TMEM178B: variants seen among roughly 807,000 people sequenced by gnomAD.
TMEM178B encodes the protein transmembrane protein 178B.
In TMEM178B, 5 loss-of-function variants were observed where a neutral mutation model predicts 31.0. That is an observed-to-expected ratio of 0.16 (90% confidence interval 0.08 to 0.34). TMEM178B has a LOEUF of 0.34. TMEM178B is among the 10% of genes least tolerant of loss of function. TMEM178B has a pLI of 1.00. For missense variants in TMEM178B, 275 were observed against 400.3 expected (o/e 0.69, Z 2.67); for synonymous variants, 164 against 164.0 (o/e 1.00, Z 0.00).
chr7:141,179,476 T>C (rs1469884736), intron 1 of TMEM178B, among the ~76,000 whole-genome samples: 1 of 151,788 alleles, frequency 6.6e-6, no homozygotes, highest in African/African-American at 2.4e-5. Context: ...GGATGCAATG[T>C]GCTGCTACTG....
intron 2 of TMEM178B, chr7:141,352,120 A>G (rs1586908255): frequency 6.6e-6 from 1 of 152,652 alleles, no homozygotes; most frequent in East Asian, 1.9e-4. Flanking sequence ...AAGGGGCAGC[A>G]TGTGAAGAAG....
At chr7:141,454,872 G>A (rs998504577) in intron 3 of TMEM178B, among the ~76,000 whole-genome samples, 3 of 152,000 alleles carry the variant, frequency 2.0e-5, no homozygotes, top group Admixed American at 6.6e-5. Flanking sequence ...AGAAGGGTGC[G>A]GAAGATGAGT....
At chr7:141,214,052 C>T (rs1797092295) in intron 2 of TMEM178B, among the ~76,000 whole-genome samples, 2 of 152,156 alleles carry the variant, frequency 1.3e-5, no homozygotes, top group South Asian at 4.1e-4. Context: ...GTTATATTTG[C>T]CTTAGAGACA....
chr7:141,139,054 TA>T (rs1396181144), intron 1 of TMEM178B, among the ~76,000 whole-genome samples: 1 of 152,130 alleles, frequency 6.6e-6, no homozygotes, highest in Non-Finnish European at 1.5e-5. Flanking sequence ...AAAAATGACT[TA>T]CATGTTTTCA....
chr7:141,263,174 C>T (rs1798041397), intron 2 of TMEM178B, among the ~76,000 whole-genome samples: 1 of 152,168 alleles, frequency 6.6e-6, no homozygotes. Flanking sequence ...GACATCCTTA[C>T]AGGGGTGTGA....
At chr7:141,275,043 C>T (rs368593432) in intron 2 of TMEM178B, among the ~76,000 whole-genome samples, 6 of 152,198 alleles carry the variant, frequency 3.9e-5, no homozygotes, top group African/African-American at 1.4e-4. Flanking sequence ...GATAAAAATA[C>T]TATCAGAAAA....
At chr7:141,407,266 A>C (rs916191451) in intron 2 of TMEM178B, among the ~76,000 whole-genome samples, 8 of 152,350 alleles carry the variant, frequency 5.3e-5, no homozygotes, top group Middle Eastern at 3.4e-3. Context: ...TGACAGAAGA[A>C]TCTGAAAGGC....
At chr7:141,154,534 G>T (rs1044443046) in intron 1 of TMEM178B, among the ~76,000 whole-genome samples, 1 of 152,162 alleles carries the variant, frequency 6.6e-6, no homozygotes, top group Non-Finnish European at 1.5e-5. Flanking sequence ...AGTGTCCTTT[G>T]TCAGAATCTT....
intron 2 of TMEM178B, among the ~76,000 whole-genome samples, chr7:141,370,668 C>T (rs1208373247): frequency 2.6e-5 from 4 of 152,220 alleles, no homozygotes; most frequent in Non-Finnish European, 5.9e-5. Context: ...CAAAGCATTG[C>T]AGATTCTGGC....
intron 2 of TMEM178B, among the ~76,000 whole-genome samples, chr7:141,403,926 G>A (rs891005677): frequency 6.6e-6 from 1 of 152,252 alleles, no homozygotes; most frequent in African/African-American, 2.4e-5. Flanking sequence ...GTTCCTCCTC[G>A]GAAATAAGCA....
the TMEM178B span, among the ~76,000 whole-genome samples, chr7:141,496,363 TTTCAGCTTTCTTTCCTTTGCTTTC>T: frequency 6.6e-6 from 1 of 152,306 alleles, no homozygotes; most frequent in South Asian, 2.1e-4. Flanking sequence ...CATGTCTTTC[TTTCAGCTTTCTTTCCTTTGCTTTC>T]TTCAGGAGAG....
rs940731335 is a variant in TMEM178B at position 141,171,407 on chromosome 7, G to A, written c.383-41184G>A. Among the ~76,000 whole-genome samples the A allele has an allele frequency of 7.9e-5, 12 of 152,168 alleles. No homozygotes were observed. The highest frequency in any genetic ancestry group is 5.2e-4 in the Admixed American group (8 of 15,276). ...ATGATGTAGGTACTTCTGTGAAATC[G>A]TTTTTACTGACTGGGAAACAGTCTG... is the stretch of plus-strand genomic sequence containing the variant. On this transcript the variant is annotated intron_variant, in intron 1 of 3. Coordinates refer to ENST00000565468, the MANE Select transcript of TMEM178B (RefSeq NM_001195278.2). This position sits in a 1 kb window ranked among gnomAD's most constrained non-coding sequence, Gnocchi z 4.3.
intron 2 of TMEM178B, among the ~76,000 whole-genome samples, chr7:141,406,049 T>C (rs1586939549): frequency 1.3e-5 from 2 of 152,158 alleles, no homozygotes; most frequent in Non-Finnish European, 2.9e-5. Flanking sequence ...CAGATAAAAT[T>C]GCCACCCACC....
Position 141,470,842 on chromosome 7 carries a change from T to A in TMEM178B, c.*56T>A. On this transcript the variant is annotated 3_prime_UTR_variant, in exon 4 of 4. Coordinates refer to ENST00000565468, the MANE Select transcript of TMEM178B (RefSeq NM_001195278.2). ...TAAATATATATATATAATATACATA[T>A]ATAAAACAAAACAAAACTAAATCAA... 1.0e-6 allele frequency: 1 copy of A among 955,612 alleles called. No individual in the cohort carries two copies. The highest frequency in any genetic ancestry group is 1.3e-6 in the Non-Finnish European group (1 of 772,022). 59.2% of individuals were successfully genotyped at this position (955,612 alleles called of 1,614,324 possible).
chr7:141,484,034 C>A (rs1455130584), downstream of TMEM178B, among the ~76,000 whole-genome samples: 1 of 152,134 alleles, frequency 6.6e-6, no homozygotes, highest in Non-Finnish European at 1.5e-5. This position sits in a 1 kb window ranked among gnomAD's most constrained non-coding sequence, Gnocchi z 4.8. Context: ...CCATGCCCAG[C>A]CTAAGAAGTA....
At chr7:141,331,443 G>A (rs931958658) in intron 2 of TMEM178B, among the ~76,000 whole-genome samples, 4 of 151,972 alleles carry the variant, frequency 2.6e-5, no homozygotes, top group Non-Finnish European at 5.9e-5. Context: ...AGGAAATGAG[G>A]AAATGCAACA....
intron 2 of TMEM178B, among the ~76,000 whole-genome samples, chr7:141,323,264 A>G (rs1799132129): frequency 6.6e-6 from 1 of 152,238 alleles, no homozygotes; most frequent in Non-Finnish European, 1.5e-5. Context: ...TTCTTCTACC[A>G]AGATTGGCTG....
the TMEM178B span, among the ~76,000 whole-genome samples, chr7:141,501,815 T>C: frequency 5.8e-3 from 883 of 152,234 alleles, 11 homozygotes; most frequent in African/African-American, 0.02. Flanking sequence ...TCCACAATTA[T>C]GTGAGTCAAT....
chr7:141,255,445 CAT>C (rs1429982075), intron 2 of TMEM178B, among the ~76,000 whole-genome samples: 4 of 152,170 alleles, frequency 2.6e-5, no homozygotes, highest in Non-Finnish European at 4.4e-5. Flanking sequence ...CATTAACAAA[CAT>C]ATGTACCTCT....
Sources: allele counts gnomAD v4.1 joint callset (sites outside exome capture counted in the v4.1 genomes callset), GRCh38; gene constraint gnomAD v4.1.1; non-coding constraint Gnocchi (gnomAD v3.1); transcripts MANE v1.5; gene names NCBI Gene and HGNC (gene_info 2026-07-23, HGNC 2026-07-21).